Variants in FBXW7 observed in about 807,000 individuals in gnomAD.
FBXW7 encodes the protein F-box and WD repeat domain containing 7, also known as F-box/WD repeat-containing protein 7.
In FBXW7, 11 loss-of-function variants were observed where a neutral mutation model predicts 86.3. The observed-to-expected ratio is 0.13, with a 90% CI of 0.08 to 0.21. The LOEUF (loss-of-function observed/expected upper bound fraction) is 0.21. Among genes scored for constraint, FBXW7 ranks in the 10% least tolerant of loss-of-function variants. The probability of loss-of-function intolerance (pLI) is 1.00; values close to 1 mark genes in which losing one functional copy is unlikely to be tolerated. For missense variants in FBXW7, 488 were observed against 847.4 expected, an observed-to-expected ratio of 0.58 and a Z score of 5.27; for synonymous variants, 313 against 297.9, an observed-to-expected ratio of 1.05 and a Z score of -0.52.
At chr4:152,466,802 C>T (rs535005390) in intron 2 of FBXW7, among the ~76,000 whole-genome samples, 9 of 150,910 alleles carry the variant, frequency 6.0e-5, no homozygotes, top group South Asian at 2.1e-4. Flanking sequence ...ATTAGCCAGG[C>T]GCGGTGGCGG....
intron 4 of FBXW7, among the ~76,000 whole-genome samples, chr4:152,389,408 C>T (rs1007343678): frequency 2.6e-5 from 4 of 152,056 alleles, no homozygotes; most frequent in African/African-American, 9.7e-5. Flanking sequence ...TTTACACACA[C>T]ACACAAATGG....
Position 152,535,544 on chromosome 4 carries a change from G to C in FBXW7, c.-630C>G, listed in dbSNP as rs1365231876. On this transcript the variant is annotated 5_prime_UTR_variant, in exon 1 of 14. Transcript: ENST00000281708. ...GTTGGGGCCCCGGTTCATACACTCC[G>C]GGGCAAGATGCTACGGCCCCGGGCG... 2 of 395,890 alleles carry C rather than the reference G, an allele frequency of 5.1e-6. No homozygotes were observed. Among genetic ancestry groups the C allele is most frequent in the African/African-American group, 4.1e-5 (2 of 48,394 alleles). The allele number at this position is 395,890 out of a possible 1,614,324, so 24.5% of individuals were successfully genotyped here.
At chr4:152,491,477 A>T (rs1745851939) in intron 2 of FBXW7, among the ~76,000 whole-genome samples, 1 of 152,152 alleles carries the variant, frequency 6.6e-6, no homozygotes, top group African/African-American at 2.4e-5. Context: ...GGCACTTAAA[A>T]CTAGTGAGTG....
chr4:152,358,826 T>C (rs754704505), intron 4 of FBXW7, among the ~76,000 whole-genome samples: 2 of 152,106 alleles, frequency 1.3e-5, no homozygotes, highest in Admixed American at 1.3e-4. Context: ...CTAGAAATGG[T>C]AGCTGTATTT....
intron 4 of FBXW7, among the ~76,000 whole-genome samples, chr4:152,363,095 T>C (rs1327410713): frequency 1.3e-5 from 2 of 152,158 alleles, no homozygotes; most frequent in Admixed American, 6.5e-5. Context: ...TTATCATTTA[T>C]AGGTAGCACA....
At chr4:152,529,779 G>T (rs1048094988) in intron 2 of FBXW7, among the ~76,000 whole-genome samples, 6 of 152,172 alleles carry the variant, frequency 3.9e-5, no homozygotes, top group Admixed American at 2.0e-4. Context: ...ACCAGCCTGG[G>T]CAACATGATG....
intron 2 of FBXW7, among the ~76,000 whole-genome samples, chr4:152,428,538 C>T (rs973725069): frequency 6.6e-6 from 1 of 152,176 alleles, no homozygotes; most frequent in Non-Finnish European, 1.5e-5. Flanking sequence ...CTACTTTTAT[C>T]AGATGGATTG....
intron 4 of FBXW7, among the ~76,000 whole-genome samples, chr4:152,359,815 G>T (rs1431278189): frequency 1.3e-5 from 2 of 152,044 alleles, no homozygotes; most frequent in Non-Finnish European, 2.9e-5. Context: ...AGCAATACTG[G>T]ACTATATATC....
At chr4:152,471,757 A>G (rs1045819426) in intron 2 of FBXW7, among the ~76,000 whole-genome samples, 2 of 151,808 alleles carry the variant, frequency 1.3e-5, no homozygotes, top group Non-Finnish European at 2.9e-5. Context: ...AAAATTACCC[A>G]GGTGTGGTGG....
At chr4:152,428,843 G>A (rs1156701827) in intron 2 of FBXW7, among the ~76,000 whole-genome samples, 7 of 152,126 alleles carry the variant, frequency 4.6e-5, no homozygotes, top group Non-Finnish European at 8.8e-5. Context: ...AATTCAGATC[G>A]TCAAAATATT....
intron 4 of FBXW7, among the ~76,000 whole-genome samples, chr4:152,367,075 A>G (rs1239858258): frequency 6.6e-6 from 1 of 152,162 alleles, no homozygotes; most frequent in African/African-American, 2.4e-5. Context: ...GAATTGAACA[A>G]TGAGAACATT....
intron 4 of FBXW7, among the ~76,000 whole-genome samples, chr4:152,404,314 A>G (rs558462338): frequency 6.6e-6 from 1 of 152,376 alleles, no homozygotes; most frequent in East Asian, 1.9e-4. Context: ...TATTTTTCAA[A>G]TAAAGAGGCA....
intron 2 of FBXW7, among the ~76,000 whole-genome samples, chr4:152,467,615 A>G (rs139706735): frequency 7.2e-4 from 109 of 152,352 alleles, no homozygotes; most frequent in African/African-American, 2.4e-3. Context: ...GCTTAAAACA[A>G]TTAGCTGAGG....
At chr4:152,457,109 G>A (rs1004651302) in intron 2 of FBXW7, among the ~76,000 whole-genome samples, 5 of 152,146 alleles carry the variant, frequency 3.3e-5, no homozygotes, top group Non-Finnish European at 7.4e-5. Context: ...TTGAGCTAGG[G>A]TTGAAAGAAG....
chr4:152,399,618 T>C (rs1736732662), intron 4 of FBXW7, among the ~76,000 whole-genome samples: 2 of 152,064 alleles, frequency 1.3e-5, no homozygotes, highest in African/African-American at 2.4e-5. Context: ...TTGCAAGATA[T>C]AAGATTAATA....
rs75618521 is a variant in FBXW7, at chr4:152,519,886, C to T, written c.-120+15055G>A. On this transcript the variant is annotated intron_variant, in intron 2 of 13. Coordinates refer to ENST00000281708, the MANE Select transcript of FBXW7 (RefSeq NM_001349798.2). ...ATCCCAGTTCTGCAAGTCAAAATTC[C>T]GATGTGTTCTTGGAAATTTCTCTGA... 6.7e-3 allele frequency among the ~76,000 whole-genome samples: 1,026 copies of T among 152,254 alleles called. 38 individuals carry two copies. The highest frequency in any genetic ancestry group is 0.03 in the East Asian group (153 of 5,186).
At chr4:152,328,135 C>T in intron 11 of FBXW7, 73 bp downstream of exon 11, 1 of 1,225,518 alleles carries the variant, frequency 8.2e-7, no homozygotes, top group South Asian at 1.4e-5. Flanking sequence ...ATTTCAGTAA[C>T]TCTACACAGA....
chr4:152,350,725 T>C (rs1051324132), intron 4 of FBXW7, among the ~76,000 whole-genome samples: 3 of 151,742 alleles, frequency 2.0e-5, no homozygotes, highest in Non-Finnish European at 4.4e-5. Context: ...AATCTGGAGA[T>C]AGTATAATAA....
At position 152,322,914 on chromosome 4, in the gene FBXW7, C is replaced by A. The variant is rs1356392172; in HGVS notation, c.2091G>T (p.Leu697=). 7 of 1,613,628 alleles carry A rather than the reference C, an allele frequency of 4.3e-6. No homozygotes were observed. Among genetic ancestry groups the A allele is most frequent in the Non-Finnish European group, 5.9e-6 (7 of 1,179,784 alleles). The change falls in exon 14 of 14, where the codon CTG becomes CTT. Residue 697 remains leucine (L), a synonymous_variant. Coordinates refer to ENST00000281708, the MANE Select transcript of FBXW7 (RefSeq NM_001349798.2). ...GSRNGTEETK[L]LVLDFDVDMK Reference sequence around the variant, plus strand: ...TGTCCACATCAAAGTCCAGCACCAGCAGCTTGGTTTCTTCAGTCCCATTCC... The same window carrying A: ...TGTCCACATCAAAGTCCAGCACCAGAAGCTTGGTTTCTTCAGTCCCATTCC...
Sources: gnomAD v4.1 joint callset for allele counts (sites outside exome capture counted in the v4.1 genomes callset) on GRCh38, gnomAD v4.1.1 for gene constraint, MANE v1.5 for transcripts, NCBI Gene and HGNC (gene_info 2026-07-23, HGNC 2026-07-21) for gene names.